Variants in NOB1 observed in about 807,000 individuals in gnomAD.
NOB1 encodes NIN1 (RPN12) binding protein 1 homolog, also known as RNA-binding protein NOB1.
NOB1 carries 44 observed loss-of-function variants against 44.8 expected under a neutral mutation model. The observed-to-expected ratio is 0.98, with a 90% CI of 0.77 to 1.26. NOB1 has a LOEUF of 1.26. Ranked by LOEUF, NOB1 falls within the 50% of genes most tolerant of loss-of-function variation. The pLI is 0.00. For synonymous variants in NOB1, 238 were observed against 218.7 expected (o/e 1.09, Z -0.78); for missense variants, 560 against 544.8 (o/e 1.03, Z -0.28).
intron 7 of NOB1, among the ~76,000 whole-genome samples, chr16:69,746,350 C>T (rs981548643): frequency 2.6e-5 from 4 of 152,224 alleles, no homozygotes; most frequent in Non-Finnish European, 5.9e-5. Context: ...AGTAGGTCCT[C>T]AGGCCACACT....
chr16:69,745,933 T>C lies in NOB1; in HGVS notation c.825-916A>G, dbSNP rs1173921174. ...AGAACATTCCAAGTGTTTCTAAGAA[T>C]TGAGTGTTAATCTGGTGAATTTAGT... On this transcript the variant is annotated intron_variant, in intron 7 of 8. Coordinates refer to ENST00000268802, the MANE Select transcript of NOB1 (RefSeq NM_014062.3). 3.3e-5 allele frequency among the ~76,000 whole-genome samples: 5 copies of C among 152,348 alleles called. No individual in the cohort carries two copies. The East Asian group carries it at 5.8e-4, about 18-fold the overall frequency.
intron 6 of NOB1, among the ~76,000 whole-genome samples, 184 bp from the exon 7 acceptor site, chr16:69,748,513 C>T (rs149880095): frequency 4.6e-5 from 7 of 152,096 alleles, no homozygotes; most frequent in African/African-American, 7.2e-5. Flanking sequence ...TTTCTAACAC[C>T]GTCCTGGAGC....
intron 2 of NOB1, among the ~76,000 whole-genome samples, chr16:69,752,806 G>T (rs968643866): frequency 6.6e-6 from 1 of 152,032 alleles, no homozygotes; most frequent in African/African-American, 2.4e-5. Context: ...GGTAGCGGGG[G>T]GGCCTGTAAT....
At chr16:69,749,684 G>GC in intron 3 of NOB1, 54 bp from the exon 4 acceptor site, 10 of 1,206,670 alleles carry the variant, frequency 8.3e-6, no homozygotes, top group Non-Finnish European at 1.1e-5. Context: ...AAGATATCCA[G>GC]TTTTTTTTTT....
At position 69,754,449 on chromosome 16, in the gene NOB1, C is replaced by G. The variant is rs1224220756; in HGVS notation, c.196+145G>C. The G allele has an allele frequency of 3.5e-6, 4 of 1,152,546 alleles. No homozygotes were observed. In the African/African-American group the frequency reaches 4.6e-5, roughly 13 times the overall value. The allele number at this position is 1,152,546 out of a possible 1,614,324, so 71.4% of individuals were successfully genotyped here. On this transcript the variant is annotated intron_variant, in intron 2 of 8. Coordinates refer to ENST00000268802, the MANE Select transcript of NOB1 (RefSeq NM_014062.3). ...CTGGAGGACTCCAGACCCAGGAAGC[C>G]TCTCTCCTACCACAATCTCCTAGAA...
rs771807789 is a variant in NOB1 at position 69,742,597 on chromosome 16, G to A, written c.974C>T (p.Ser325Leu). 16 of 1,613,924 alleles carry A rather than the reference G, an allele frequency of 9.9e-6. No individual in the cohort carries two copies. Among genetic ancestry groups the A allele is most frequent in the South Asian group, 3.3e-5 (3 of 91,074 alleles). ...TTTGCCCCCTTTGGGAGTGGGAAGC[G>A]AGTACTGGAAATAAGACAAGGAAGG... ...KVLNPRGLRY[S>L]LPTPKGGKYA... Residue 325 changes from serine to leucine, a missense_variant, in exon 9 of 9, where the codon TCG (serine) becomes TTG (leucine). Transcript: ENST00000268802.
intron 6 of NOB1, 35 bp from the exon 7 acceptor site, chr16:69,748,364 T>C: frequency 6.3e-7 from 1 of 1,578,404 alleles, no homozygotes; most frequent in Non-Finnish European, 8.7e-7. Flanking sequence ...ATCAATTTTC[T>C]TTTCACATTT....
At chr16:69,748,654 C>T in intron 6 of NOB1, 1 of 531,510 alleles carries the variant, frequency 1.9e-6, no homozygotes, top group Non-Finnish European at 3.3e-6. Context: ...TGACTGACCA[C>T]ATGGCATTAT....
intron 1 of NOB1, 44 bp from the exon 2 acceptor site, chr16:69,754,770 A>G (rs375098276): frequency 3.1e-6 from 5 of 1,613,172 alleles, no homozygotes; most frequent in Non-Finnish European, 4.2e-6. Context: ...GCACCAAGCA[A>G]CGCTCCGCGC....
chr16:69,745,541 C>T (rs957149143), intron 7 of NOB1, among the ~76,000 whole-genome samples: 4 of 152,204 alleles, frequency 2.6e-5, no homozygotes, highest in African/African-American at 9.6e-5. Flanking sequence ...TCGGGAGCAG[C>T]TCTGGAGGCG....
chr16:69,750,711 A>C (rs2151754471), intron 3 of NOB1, among the ~76,000 whole-genome samples: 1 of 152,276 alleles, frequency 6.6e-6, no homozygotes, highest in Non-Finnish European at 1.5e-5. Context: ...CCAAGGTGGG[A>C]GGATGGCTTG....
At position 69,754,833 on chromosome 16, in the gene NOB1, G is replaced by T; in HGVS notation, c.63+15C>A. 6.2e-7 allele frequency: 1 copy of T among 1,605,260 alleles called. No homozygotes were observed. The highest frequency in any genetic ancestry group is 2.2e-5 in the East Asian group (1 of 44,530). ...CAGCCCAGATCTCTCTCGTCCCGGAGGGAGCTCCCCGTACCTGCAGAGCCG... is the reference window on the plus strand; with the variant it reads ...CAGCCCAGATCTCTCTCGTCCCGGATGGAGCTCCCCGTACCTGCAGAGCCG... On this transcript the variant is annotated intron_variant, in intron 1 of 8. Transcript: ENST00000268802.
chr16:69,752,117 G>T, intron 3 of NOB1, 124 bp downstream of exon 3: 3 of 858,344 alleles, frequency 3.5e-6, no homozygotes, highest in Non-Finnish European at 1.9e-6. Context: ...ATACAGACTA[G>T]CTAAGAGATA....
Position 69,754,583 on chromosome 16 carries a change from G to C in NOB1, c.196+11C>G. 1 of 1,613,896 alleles carries C rather than the reference G, an allele frequency of 6.2e-7. No individual in the cohort carries two copies. On this transcript the variant is annotated intron_variant, in intron 2 of 8. Coordinates refer to ENST00000268802, the MANE Select transcript of NOB1 (RefSeq NM_014062.3). The stretch of plus-strand genomic sequence containing the variant: ...CCAGCTTCCCGTCAACGCTAGGGCA[G>C]AGGCACTCACCCAGCCGCACGTATT...
intron 2 of NOB1, 140 bp from the exon 3 acceptor site, chr16:69,752,511 T>C (rs770784168): frequency 3.4e-6 from 3 of 871,260 alleles, no homozygotes; most frequent in Non-Finnish European, 5.2e-6. Context: ...CACTATGTCA[T>C]GAAAAACCTT....
At chr16:69,753,252 T>C (rs2038497646) in intron 2 of NOB1, among the ~76,000 whole-genome samples, 1 of 152,170 alleles carries the variant, frequency 6.6e-6, no homozygotes, top group Non-Finnish European at 1.5e-5. Context: ...TTTAGGAGCA[T>C]TCTGGATTTC....
At chr16:69,750,623 C>T (rs1432879551) in intron 3 of NOB1, among the ~76,000 whole-genome samples, 1 of 152,078 alleles carries the variant, frequency 6.6e-6, no homozygotes, top group Non-Finnish European at 1.5e-5. Context: ...AGGATCCTGT[C>T]TTATTAAAAT....
chr16:69,752,406 T>C (rs781469967), intron 2 of NOB1, 35 bp from the exon 3 acceptor site: 1 of 1,597,882 alleles, frequency 6.3e-7, no homozygotes, highest in East Asian at 2.3e-5. Flanking sequence ...CAGTTAGAGG[T>C]AAAAAGCCAT....
intron 3 of NOB1, among the ~76,000 whole-genome samples, chr16:69,749,839 G>C (rs1031559048): frequency 6.6e-6 from 1 of 151,534 alleles, no homozygotes; most frequent in African/African-American, 2.4e-5. Context: ...TTAGCCTGGC[G>C]TGGTGGCAGG....
Sources: allele counts gnomAD v4.1 joint callset (sites outside exome capture counted in the v4.1 genomes callset), GRCh38; gene constraint gnomAD v4.1.1; transcripts MANE v1.5; gene names NCBI Gene and HGNC (gene_info 2026-07-23, HGNC 2026-07-21).